The following NEIL2 variants were observed in gnomAD, a reference collection of about 807,000 sequenced individuals.
NEIL2 encodes endonuclease 8-like 2.
A neutral mutation model predicts 22.2 loss-of-function variants in NEIL2; 23 were observed. That is an observed-to-expected ratio of 1.04 (90% confidence interval 0.75 to 1.47). The LOEUF is 1.47. NEIL2 is among the 40% of genes most tolerant of loss of function. The probability of loss-of-function intolerance (pLI) is 0.00; values close to 1 mark genes in which losing one functional copy is unlikely to be tolerated. For synonymous variants in NEIL2, 229 were observed against 164.8 expected, an observed-to-expected ratio of 1.39 and a Z score of -2.99; for missense variants, 583 against 404.7, an observed-to-expected ratio of 1.44 and a Z score of -3.78.
At chr8:11,782,154 G>A (rs1173360705) in intron 3 of NEIL2, among the ~76,000 whole-genome samples, 1 of 152,112 alleles carries the variant, frequency 6.6e-6, no homozygotes, top group East Asian at 1.9e-4. Context: ...TGGGTGTGGT[G>A]GCTCACACCT....
chr8:11,774,756 T>C lies in NEIL2; in HGVS notation c.138+3171T>C, dbSNP rs1335800724. On this transcript the variant is annotated intron_variant, in intron 2 of 4. Coordinates refer to ENST00000284503, the MANE Select transcript of NEIL2 (RefSeq NM_145043.4). ...ATTGGGTAAATACACCTGTTTCAAA[T>C]GGGAGAAATTGGCCAAAACGAAGGG... 2.0e-5 allele frequency among the ~76,000 whole-genome samples: 3 copies of C among 152,160 alleles called. No homozygotes were observed. In the South Asian group the frequency reaches 6.2e-4, roughly 31 times the overall value.
intron 2 of NEIL2, among the ~76,000 whole-genome samples, chr8:11,775,798 T>C (rs1803858829): frequency 6.6e-6 from 1 of 152,214 alleles, no homozygotes; most frequent in Admixed American, 6.5e-5. Flanking sequence ...TCACCTTTAC[T>C]CTAGTTCCCA....
In NEIL2 at chr8:11,783,090, A is replaced by G. The variant is rs1039097033; in HGVS notation, c.492-113A>G. On this transcript the variant is annotated intron_variant, in intron 3 of 4. Coordinates refer to ENST00000284503, the MANE Select transcript of NEIL2 (RefSeq NM_145043.4). ...ATGATCCAGCCACAGAGTGTGCTCT[A>G]TGTTGTGGTAACGATGTGGGGATGT... 2.7e-5 allele frequency: 23 copies of G among 857,930 alleles called. No individual in the cohort carries two copies. In the African/African-American group the frequency reaches 2.8e-4, roughly 10 times the overall value. 53.1% of individuals were successfully genotyped at this position (857,930 alleles called of 1,614,324 possible). A position where few individuals can be genotyped will look rare whatever the true frequency, so the allele number is the denominator to read the frequency against.
At chr8:11,772,048 C>CA (rs1282835177) in intron 2 of NEIL2, among the ~76,000 whole-genome samples, 2 of 152,014 alleles carry the variant, frequency 1.3e-5, no homozygotes, top group East Asian at 3.9e-4. Context: ...ACTAAAAATG[C>CA]AAAAATTGGC....
chr8:11,782,764 C>CTATGT (rs1460856012), intron 3 of NEIL2: 1 of 268,718 alleles, frequency 3.7e-6, no homozygotes, highest in Non-Finnish European at 7.1e-6. Flanking sequence ...TGTGCTCTGA[C>CTATGT]TACGTTGTGG....
intron 4 of NEIL2, among the ~76,000 whole-genome samples, chr8:11,785,303 C>G (rs900341013): frequency 1.4e-4 from 22 of 152,304 alleles, no homozygotes; most frequent in African/African-American, 4.1e-4. Flanking sequence ...TTAAGCTAGT[C>G]TCCTACCTCA....
rs374129851 is a variant in NEIL2, at chr8:11,786,247, G to A, written c.973G>A (p.Glu325Lys). 8 of 1,612,580 alleles carry A rather than the reference G, an allele frequency of 5.0e-6. No individual in the cohort carries two copies. The African/African-American group carries it at 1.1e-4, about 22-fold the overall frequency. ...GCAGTGCCAGCCCCAGTTGTCAGAG[G>A]AGCCAGAGCAGTGCCAGTTCTCCTA... is the stretch of plus-strand genomic sequence containing the variant. ...CPQCQPQLSEEPEQCQFS is the reference protein window; with the variant it reads ...CPQCQPQLSEKPEQCQFS The change falls in exon 5 of 5, where the codon GAG becomes AAG. Residue 325 changes from glutamate to lysine, a missense_variant. Physicochemically the swap from Glu to Lys is moderately conservative, Grantham distance 56. Transcript: ENST00000284503.
chr8:11,781,075 G>A (rs922543829), intron 3 of NEIL2, among the ~76,000 whole-genome samples: 2 of 151,948 alleles, frequency 1.3e-5, no homozygotes, highest in African/African-American at 4.8e-5. Flanking sequence ...TTCCCCTTTT[G>A]CTAAAAAAAG....
rs145710337 is a variant in NEIL2 at position 11,783,213 on chromosome 8, C to T, written c.502C>T (p.His168Tyr). Residue 168 changes from histidine to tyrosine, a missense_variant, in exon 4 of 5, where the codon CAC (histidine) becomes TAC (tyrosine). By Grantham distance (83) the His-to-Tyr change is moderately conservative (BLOSUM62 2). Transcript: ENST00000284503. ...WRDPSPRLVL[H>Y]FGGGGFLAFY... Reference sequence around the variant, plus strand: ...GTTCTTTCTTCCCAGGTTGGTCCTGCACTTTGGTGGTGGTGGCTTCCTGGC... The same window carrying T: ...GTTCTTTCTTCCCAGGTTGGTCCTGTACTTTGGTGGTGGTGGCTTCCTGGC... 6.4e-5 allele frequency: 104 copies of T among 1,614,222 alleles called. No homozygotes were observed. In the African/African-American group the frequency reaches 1.3e-3, roughly 20 times the overall value.
Position 11,783,316 on chromosome 8 carries a change from A to G in NEIL2, c.605A>G (p.His202Arg). Residue 202 changes from histidine to arginine, a missense_variant, in exon 4 of 5, where the codon CAT becomes CGT. Coordinates refer to ENST00000284503, the MANE Select transcript of NEIL2 (RefSeq NM_145043.4). ...PTCDILSEKF[H>R]RGQALEALGQ... ...TGTGACATCCTGTCTGAGAAGTTCC[A>G]TCGAGGACAAGCCTTAGAAGCTCTA... The G allele has an allele frequency of 3.7e-6, 6 of 1,614,234 alleles. No homozygotes were observed. The highest frequency in any genetic ancestry group is 1.1e-5 in the South Asian group (1 of 91,088).
At position 11,779,923 on chromosome 8, in the gene NEIL2, G is replaced by A. The variant is rs563813073; in HGVS notation, c.464G>A (p.Arg155Lys). 10 of 1,613,942 alleles carry A rather than the reference G, an allele frequency of 6.2e-6. No individual in the cohort carries two copies. The highest frequency in any genetic ancestry group is 1.1e-5 in the South Asian group (1 of 91,080). ...TCCAGAGCCAAGAAAGCCAACAAGA[G>A]GGGGGACTGGAGGGACCCTTCCCCG... The part of the protein sequence containing the change: ...DFSRAKKANK[R>K]GDWRDPSPRL... The change falls in exon 3 of 5, where the codon AGG becomes AAG. Residue 155 changes from arginine to lysine, a missense_variant. Arg to Lys is a conservative substitution (Grantham distance 26). Coordinates refer to ENST00000284503, the MANE Select transcript of NEIL2 (RefSeq NM_145043.4).
Position 11,769,786 on chromosome 8 carries a change from G to A in NEIL2, c.-552G>A, listed in dbSNP as rs565262087. On this transcript the variant is annotated 5_prime_UTR_variant, in exon 1 of 5. Transcript: ENST00000284503. ...GTCGGGCCGACGTGCCACCCACCCGGAGCCGGTGAGTGCAGCCGCCCGCCC... is the reference window on the plus strand; with the variant it reads ...GTCGGGCCGACGTGCCACCCACCCGAAGCCGGTGAGTGCAGCCGCCCGCCC... The A allele has an allele frequency of 3.7e-4, 56 of 152,452 alleles. No homozygotes were observed. The highest frequency in any genetic ancestry group is 1.2e-3 in the African/African-American group (49 of 41,586). 9.4% of individuals were successfully genotyped at this position (152,452 alleles called of 1,614,324 possible). A position where few individuals can be genotyped will look rare whatever the true frequency, so the allele number is the denominator to read the frequency against.
At chr8:11,783,144 G>T in intron 3 of NEIL2, 59 bp from the exon 4 acceptor site, 1 of 1,459,628 alleles carries the variant, frequency 6.9e-7, no homozygotes, top group African/African-American at 1.4e-5. Context: ...CAGCCACAGG[G>T]TGTGCTCTGA....
rs527677134 is a variant in NEIL2, at chr8:11,777,845, C to T, written c.139-1753C>T. 2.1e-4 allele frequency among the ~76,000 whole-genome samples: 32 copies of T among 152,334 alleles called. 1 individual carries two copies. The highest frequency in any genetic ancestry group is 1.2e-3 in the South Asian group (6 of 4,828). On this transcript the variant is annotated intron_variant, in intron 2 of 4. Transcript: ENST00000284503. ...CAAGGGCATGGCATTGGCATCTTGC[C>T]GTGTCATTTGCAATTGGCATTATTC...
chr8:11,778,445 T>A (rs1426363573), intron 2 of NEIL2, among the ~76,000 whole-genome samples: 1 of 152,166 alleles, frequency 6.6e-6, no homozygotes, highest in Admixed American at 6.5e-5. Flanking sequence ...ATTTGTGTAC[T>A]AATTAACAAG....
In NEIL2 at chr8:11,770,016, G is replaced by C. The variant is rs900723318; in HGVS notation, c.-322G>C. 10 of 152,166 alleles carry C rather than the reference G, an allele frequency of 6.6e-5. No individual in the cohort carries two copies. The highest frequency in any genetic ancestry group is 2.4e-4 in the African/African-American group (10 of 41,428). The allele number at this position is 152,166 out of a possible 1,614,324, so 9.4% of individuals were successfully genotyped here. A position where few individuals can be genotyped will look rare whatever the true frequency, so the allele number is the denominator to read the frequency against. On this transcript the variant is annotated 5_prime_UTR_variant, in exon 1 of 5. Coordinates refer to ENST00000284503, the MANE Select transcript of NEIL2 (RefSeq NM_145043.4). ...AGTGGTCTTAGACCCCCCACCTCGG[G>C]CACTCGGAAGAGAACGGCGGAGACA...
Position 11,779,648 on chromosome 8 carries a change from G to GC in NEIL2, c.194dup (p.Gly66TrpfsTer34), listed in dbSNP as rs772935464. On this transcript the variant is annotated frameshift_variant, in exon 3 of 5. Coordinates refer to ENST00000284503, the MANE Select transcript of NEIL2 (RefSeq NM_145043.4). LOFTEE classifies it high-confidence loss of function. ...GATTTGATCTAGATGAAGAAATGGG[G>GC]CCCCCTGGCAGCAGCCCAACACCAG... 6.2e-6 allele frequency: 10 copies of GC among 1,613,566 alleles called. No individual in the cohort carries two copies. The African/African-American group carries it at 1.1e-4, about 17-fold the overall frequency.
intron 2 of NEIL2, among the ~76,000 whole-genome samples, chr8:11,778,396 G>A (rs780243406): frequency 1.1e-4 from 17 of 149,920 alleles, no homozygotes; most frequent in African/African-American, 3.4e-4. Flanking sequence ...GGATTATTTC[G>A]AAAGGTAATG....
intron 4 of NEIL2, among the ~76,000 whole-genome samples, chr8:11,784,165 C>T (rs1036087602): frequency 1.3e-5 from 2 of 152,268 alleles, no homozygotes; most frequent in Admixed American, 6.5e-5. Context: ...CCACCCTTCA[C>T]GAGGGTCGGA....
Sources: allele counts gnomAD v4.1 joint callset (sites outside exome capture counted in the v4.1 genomes callset), GRCh38; gene constraint gnomAD v4.1.1; transcripts MANE v1.5; gene names NCBI Gene and HGNC (gene_info 2026-07-23, HGNC 2026-07-21).